The following INSL6 variants were observed in gnomAD, a reference collection of about 807,000 sequenced individuals.
INSL6 encodes the protein insulin-like peptide INSL6.
In INSL6, 16 loss-of-function variants were observed where a neutral mutation model predicts 9.4. That is an observed-to-expected ratio of 1.70 (90% CI 1.15 to 2.59). The LOEUF (loss-of-function observed/expected upper bound fraction) is 2.59. Among genes scored for constraint, INSL6 ranks in the 30% most tolerant of loss-of-function variants. The pLI, the probability that INSL6 is intolerant of heterozygous loss-of-function variation, is 0.00. For missense variants in INSL6, 391 were observed against 257.3 expected, an observed-to-expected ratio of 1.52 and a Z score of -3.56; for synonymous variants, 154 against 96.9, an observed-to-expected ratio of 1.59 and a Z score of -3.46.
intron 1 of INSL6, among the ~76,000 whole-genome samples, chr9:5,172,913 G>T (rs973697319): frequency 4.0e-5 from 6 of 150,806 alleles, no homozygotes; most frequent in Middle Eastern, 3.4e-3. Flanking sequence ...GGGTGACAAA[G>T]CAAGACTCCA....
the INSL6 span, among the ~76,000 whole-genome samples, chr9:5,081,018 C>T: frequency 2.6e-5 from 4 of 151,038 alleles, no homozygotes; most frequent in African/African-American, 7.3e-5. Flanking sequence ...GCCTCAGCCT[C>T]CTGAGTAGCT....
At chr9:5,046,716 T>C in the INSL6 span, among the ~76,000 whole-genome samples, 1 of 152,178 alleles carries the variant, frequency 6.6e-6, no homozygotes, top group Non-Finnish European at 1.5e-5. Flanking sequence ...ACCTACTTTT[T>C]TATACAGCTC....
At chr9:5,184,387 C>T (rs1429158839) in intron 1 of INSL6, among the ~76,000 whole-genome samples, 1 of 152,190 alleles carries the variant, frequency 6.6e-6, no homozygotes. Context: ...ACAAATCATA[C>T]TGGGACTAAA....
chr9:5,161,306 T>C (rs1208076434), downstream of INSL6, among the ~76,000 whole-genome samples: 1 of 152,168 alleles, frequency 6.6e-6, no homozygotes, highest in Non-Finnish European at 1.5e-5. Flanking sequence ...TTGTGATCTA[T>C]CAAGAGAATG....
the INSL6 span, among the ~76,000 whole-genome samples, chr9:5,068,202 T>C: frequency 6.6e-6 from 1 of 151,888 alleles, no homozygotes; most frequent in East Asian, 1.9e-4. Flanking sequence ...AGAAAGGTTA[T>C]TTGGCATAGG....
chr9:5,021,014 C>T, the INSL6 span, among the ~76,000 whole-genome samples: 1 of 152,284 alleles, frequency 6.6e-6, no homozygotes, highest in East Asian at 1.9e-4. Flanking sequence ...CCCTATGTTA[C>T]TCCCAGGGCC....
intron 1 of INSL6, among the ~76,000 whole-genome samples, chr9:5,168,930 T>C (rs1245939563): frequency 7.0e-6 from 1 of 142,418 alleles, no homozygotes; most frequent in Non-Finnish European, 1.5e-5. Flanking sequence ...TTATTTGATT[T>C]TTTTTTTTTT....
At chr9:5,036,649 G>A in the INSL6 span, among the ~76,000 whole-genome samples, 1 of 152,152 alleles carries the variant, frequency 6.6e-6, no homozygotes, top group African/African-American at 2.4e-5. Context: ...TGGGAAAACT[G>A]GCTAGCCATG....
the INSL6 span, among the ~76,000 whole-genome samples, chr9:5,080,982 A>G: frequency 8.2e-5 from 11 of 133,688 alleles, no homozygotes; most frequent in Admixed American, 1.8e-4. Flanking sequence ...TGCAAGCTCC[A>G]CCTCCAAGGT....
chr9:5,080,379 G>C, the INSL6 span: 2 of 1,610,828 alleles, frequency 1.2e-6, no homozygotes, highest in African/African-American at 1.3e-5. Context: ...GATTCTCAAA[G>C]AGTAAGTTTA....
At chr9:5,143,471 C>T (rs1824541821) in intron 2 of INSL6, among the ~76,000 whole-genome samples, 1 of 151,856 alleles carries the variant, frequency 6.6e-6, no homozygotes, top group African/African-American at 2.4e-5. Flanking sequence ...CAGTTGATTT[C>T]CATAGAGGTG....
chr9:4,992,331 A>G, the INSL6 span, among the ~76,000 whole-genome samples: 2 of 152,192 alleles, frequency 1.3e-5, no homozygotes, highest in Non-Finnish European at 2.9e-5. Context: ...TAAATCTTTT[A>G]TGATTTAGCC....
At chr9:5,179,084 C>T (rs866097761) in intron 1 of INSL6, among the ~76,000 whole-genome samples, 1 of 149,712 alleles carries the variant, frequency 6.7e-6, no homozygotes, top group Non-Finnish European at 1.5e-5. Flanking sequence ...AGACAACCTA[C>T]AGAATGGGAG....
At chr9:4,996,770 G>A in the INSL6 span, among the ~76,000 whole-genome samples, 14 of 151,982 alleles carry the variant, frequency 9.2e-5, 1 homozygote, top group Admixed American at 9.2e-4. Flanking sequence ...TTACTATTAT[G>A]AAAATTTAAA....
At chr9:5,084,929 A>G in the INSL6 span, 1 of 566,574 alleles carries the variant, frequency 1.8e-6, no homozygotes, top group Non-Finnish European at 3.4e-6. Flanking sequence ...TGAAGCAAAC[A>G]AAGTGTATTC....
At chr9:5,080,258 C>T in the INSL6 span, 3 of 1,613,354 alleles carry the variant, frequency 1.9e-6, no homozygotes, top group Non-Finnish European at 2.5e-6. Flanking sequence ...ATGGGTACCA[C>T]CTGAATGCAT....
the INSL6 span, among the ~76,000 whole-genome samples, chr9:5,047,035 G>A: frequency 6.6e-6 from 1 of 152,022 alleles, no homozygotes; most frequent in African/African-American, 2.4e-5. Context: ...AGGAAGGATT[G>A]TCTTATCTAG....
chr9:5,080,214 C>T, the INSL6 span: 412 of 1,592,004 alleles, frequency 2.6e-4, 1 homozygote, highest in East Asian at 6.7e-4. Flanking sequence ...CTACTCTGTT[C>T]GTATCATTTA....
At chr9:5,181,095 T>C (rs185118459) in intron 1 of INSL6, among the ~76,000 whole-genome samples, 26 of 152,296 alleles carry the variant, frequency 1.7e-4, no homozygotes, top group East Asian at 7.7e-4. Context: ...AGAACCTACA[T>C]TGAAATATTG....
Sources: allele counts gnomAD v4.1 joint callset (sites outside exome capture counted in the v4.1 genomes callset), GRCh38; gene constraint gnomAD v4.1.1; transcripts MANE v1.5; gene names NCBI Gene and HGNC (gene_info 2026-07-23, HGNC 2026-07-21).